The following GPR63 variants were observed in gnomAD, a reference collection of about 807,000 sequenced individuals.
GPR63 encodes G protein-coupled receptor 63.
Under a neutral mutation model 23.1 loss-of-function variants are expected in GPR63, and 12 were observed. The observed-to-expected ratio is 0.52, with a 90% CI of 0.33 to 0.84. The LOEUF (loss-of-function observed/expected upper bound fraction) is 0.84, where lower values mean the gene tolerates loss of function less well. GPR63 is among the 40% of genes least tolerant of loss of function. GPR63 has a pLI of 0.02. For missense variants in GPR63, 472 were observed against 515.6 expected, an observed-to-expected ratio of 0.92 and a Z score of 0.82; for synonymous variants, 172 against 191.1, an observed-to-expected ratio of 0.90 and a Z score of 0.82.
chr6:96,819,992 A>AAC (rs60566453), intron 1 of GPR63, among the ~76,000 whole-genome samples: 2 of 148,374 alleles, frequency 1.3e-5, no homozygotes, highest in Non-Finnish European at 3.0e-5. Context: ...AAAAAAAAAA[A>AAC]CAAACAACAA....
At chr6:96,815,473 G>C (rs1286503728) in intron 1 of GPR63, among the ~76,000 whole-genome samples, 2 of 152,128 alleles carry the variant, frequency 1.3e-5, no homozygotes, top group Non-Finnish European at 2.9e-5. Flanking sequence ...TTTTATGCAG[G>C]ATGAATAAGT....
intron 1 of GPR63, among the ~76,000 whole-genome samples, chr6:96,800,995 C>T (rs1773748602): frequency 6.6e-6 from 1 of 152,144 alleles, no homozygotes; most frequent in African/African-American, 2.4e-5. Context: ...CTGTAAGGGA[C>T]TTTCTTTATC....
chr6:96,805,131 T>G (rs1773863953), intron 1 of GPR63, among the ~76,000 whole-genome samples: 1 of 152,124 alleles, frequency 6.6e-6, no homozygotes, highest in Non-Finnish European at 1.5e-5. Context: ...TCCCAAAGGA[T>G]GAGGCTGTGC....
At chr6:96,827,073 T>TCAAAATAAAG (rs767631448) in intron 1 of GPR63, among the ~76,000 whole-genome samples, 1 of 131,770 alleles carries the variant, frequency 7.6e-6, no homozygotes, top group African/African-American at 2.8e-5. Context: ...CACAAAAACC[T>TCAAAATAAAG]CAAAATAAAG....
chr6:96,820,606 A>T (rs949769760), intron 1 of GPR63, among the ~76,000 whole-genome samples: 3 of 152,074 alleles, frequency 2.0e-5, no homozygotes, highest in East Asian at 1.9e-4. Context: ...TAATTTTTTT[A>T]AAAAAAGCAA....
chr6:96,836,234 G>A (rs11755595), intron 1 of GPR63, among the ~76,000 whole-genome samples: 1 of 152,018 alleles, frequency 6.6e-6, no homozygotes, highest in Non-Finnish European at 1.5e-5. Context: ...TTTTATGTTA[G>A]GTTTCATTAA....
chr6:96,794,715 A>C lies in GPR63; in HGVS notation c.*3757T>G, dbSNP rs1390126976. ...TTACATTCTTCCGGGAATTACACAC[A>C]ATAAAGACAGCTCTCTATAAGAAAA... is the stretch of plus-strand genomic sequence containing the variant. On this transcript the variant is annotated 3_prime_UTR_variant, in exon 2 of 2. Transcript: ENST00000229955. The C allele has an allele frequency of 6.6e-6, 1 of 152,212 alleles. No homozygotes were observed. The highest frequency in any genetic ancestry group is 1.5e-5 in the Non-Finnish European group (1 of 68,030). The allele number at this position is 152,212 out of a possible 1,614,324, so 9.4% of individuals were successfully genotyped here.
At chr6:96,814,112 T>C (rs9487229) in intron 1 of GPR63, among the ~76,000 whole-genome samples, 12,284 of 152,182 alleles carry the variant, frequency 0.081, 854 homozygotes, top group African/African-American at 0.19. Flanking sequence ...ACCCACAGAC[T>C]TGTTCAATCT....
At chr6:96,833,968 C>T (rs1011767842) in intron 1 of GPR63, among the ~76,000 whole-genome samples, 12 of 152,052 alleles carry the variant, frequency 7.9e-5, no homozygotes, top group African/African-American at 2.7e-4. Flanking sequence ...CCCCAAGACC[C>T]GAGAGCTGTG....
intron 1 of GPR63, among the ~76,000 whole-genome samples, chr6:96,823,362 T>G (rs1368334210): frequency 6.6e-6 from 1 of 152,034 alleles, no homozygotes; most frequent in East Asian, 1.9e-4. Context: ...ATTGGCCCTG[T>G]GTAGGCCTAA....
intron 1 of GPR63, among the ~76,000 whole-genome samples, chr6:96,807,014 A>C (rs1446300731): frequency 6.6e-6 from 1 of 152,264 alleles, no homozygotes; most frequent in East Asian, 1.9e-4. Context: ...CCCAGTGGGC[A>C]ACATTTTGAA....
At chr6:96,836,348 A>C (rs901920336) in intron 1 of GPR63, among the ~76,000 whole-genome samples, 15 of 152,138 alleles carry the variant, frequency 9.9e-5, no homozygotes, top group African/African-American at 3.4e-4. Context: ...TAGAAACACT[A>C]CTCCTAGAAC....
chr6:96,803,265 A>G (rs751848942), intron 1 of GPR63, among the ~76,000 whole-genome samples: 2 of 152,200 alleles, frequency 1.3e-5, no homozygotes, highest in Non-Finnish European at 1.5e-5. Flanking sequence ...ACCTCTAGAT[A>G]CTAACATCTG....
intron 1 of GPR63, among the ~76,000 whole-genome samples, chr6:96,816,745 G>A (rs1467877480): frequency 6.6e-6 from 1 of 152,162 alleles, no homozygotes; most frequent in African/African-American, 2.4e-5. Context: ...TGGTAAAAGA[G>A]GCAGCTGAAA....
chr6:96,816,827 G>A (rs962239619), intron 1 of GPR63, among the ~76,000 whole-genome samples: 2 of 152,054 alleles, frequency 1.3e-5, no homozygotes, highest in African/African-American at 4.8e-5. Flanking sequence ...GAAAGGTTGG[G>A]GGAAACAACA....
intron 1 of GPR63, among the ~76,000 whole-genome samples, chr6:96,826,163 T>A (rs995295974): frequency 2.6e-5 from 4 of 152,096 alleles, no homozygotes; most frequent in African/African-American, 9.7e-5. Flanking sequence ...AAATAAGGAA[T>A]CTGTGAACCA....
intron 1 of GPR63, among the ~76,000 whole-genome samples, chr6:96,810,000 A>T (rs1774000342): frequency 6.6e-6 from 1 of 152,230 alleles, no homozygotes; most frequent in Non-Finnish European, 1.5e-5. Flanking sequence ...TATCTCTATT[A>T]TAGCCTATTG....
intron 1 of GPR63, among the ~76,000 whole-genome samples, chr6:96,816,053 CTGGTCT>C (rs1774155023): frequency 6.6e-6 from 1 of 152,030 alleles, no homozygotes; most frequent in Non-Finnish European, 1.5e-5. Flanking sequence ...ACTAATTATT[CTGGTCT>C]ATTAATATAA....
chr6:96,801,135 T>C (rs1212369913), intron 1 of GPR63, among the ~76,000 whole-genome samples: 1 of 152,138 alleles, frequency 6.6e-6, no homozygotes, highest in Non-Finnish European at 1.5e-5. Flanking sequence ...CTTAAGAGAC[T>C]GGGAAAACAT....
Sources: gnomAD v4.1 joint callset for allele counts (sites outside exome capture counted in the v4.1 genomes callset) on GRCh38, gnomAD v4.1.1 for gene constraint, MANE v1.5 for transcripts, NCBI Gene and HGNC (gene_info 2026-07-23, HGNC 2026-07-21) for gene names.